Variants in NXPE2 observed in about 807,000 individuals in gnomAD.
NXPE2 encodes NXPE family member 2.
Under a neutral mutation model 34.4 loss-of-function variants are expected in NXPE2, and 34 were observed. That is an observed-to-expected ratio of 0.99 (90% CI 0.75 to 1.31). The LOEUF (loss-of-function observed/expected upper bound fraction) is 1.31. NXPE2 is among the 40% of genes most tolerant of loss of function. The probability of loss-of-function intolerance (pLI) is 0.00; values close to 1 mark genes in which losing one functional copy is unlikely to be tolerated. For missense variants in NXPE2, 649 were observed against 672.5 expected (o/e 0.97, Z 0.39); for synonymous variants, 235 against 231.3 (o/e 1.02, Z -0.15).
At chr11:114,632,120 TTATAA>T in the NXPE2 span, among the ~76,000 whole-genome samples, 2 of 144,140 alleles carry the variant, frequency 1.4e-5, no homozygotes, top group African/African-American at 5.0e-5. Context: ...AAATTATATA[TTATAA>T]TAAAATATAT....
At chr11:114,491,976 AGG>A in the NXPE2 span, among the ~76,000 whole-genome samples, 1 of 152,134 alleles carries the variant, frequency 6.6e-6, no homozygotes, top group East Asian at 1.9e-4. Context: ...ACATGGACAC[AGG>A]AAGGGGAACA....
the NXPE2 span, among the ~76,000 whole-genome samples, chr11:114,613,371 C>T: frequency 3.3e-5 from 5 of 151,470 alleles, no homozygotes; most frequent in Admixed American, 1.3e-4. Context: ...CACGGTTACC[C>T]TGTGGAAAAT....
At chr11:114,530,716 C>T in the NXPE2 span, 1 of 1,614,152 alleles carries the variant, frequency 6.2e-7, no homozygotes, top group South Asian at 1.1e-5. Flanking sequence ...CTGTGTGTGG[C>T]ACTGGTGGTG....
chr11:114,663,764 A>G, the NXPE2 span, among the ~76,000 whole-genome samples: 1 of 152,062 alleles, frequency 6.6e-6, no homozygotes, highest in African/African-American at 2.4e-5. Context: ...AAGCAACCCA[A>G]GTAAAAAATA....
chr11:114,676,271 T>A (rs991972481), upstream of NXPE2, among the ~76,000 whole-genome samples: 2 of 151,668 alleles, frequency 1.3e-5, no homozygotes, highest in Admixed American at 6.6e-5. Context: ...ACATCAAACT[T>A]AAAAGCTTCT....
chr11:114,658,212 G>A, the NXPE2 span, among the ~76,000 whole-genome samples: 1 of 152,196 alleles, frequency 6.6e-6, no homozygotes, highest in Non-Finnish European at 1.5e-5. Flanking sequence ...GAAAGGCAGA[G>A]CAGAAAGAAC....
intron 2 of NXPE2, among the ~76,000 whole-genome samples, chr11:114,683,567 C>T (rs947634446): frequency 9.2e-5 from 14 of 152,048 alleles, no homozygotes; most frequent in East Asian, 5.8e-4. Flanking sequence ...ATTACAGGCG[C>T]GTGCCACCAG....
chr11:114,810,198 G>T, the NXPE2 span, among the ~76,000 whole-genome samples: 32 of 148,074 alleles, frequency 2.2e-4, no homozygotes, highest in Non-Finnish European at 4.6e-4. Flanking sequence ...ATTCAAGATG[G>T]ATTAAAGACT....
chr11:114,639,336 G>T, the NXPE2 span, among the ~76,000 whole-genome samples: 2 of 152,048 alleles, frequency 1.3e-5, no homozygotes, highest in Admixed American at 1.3e-4. Context: ...CAGTATTAGG[G>T]TGGGAGTGAC....
In NXPE2 at chr11:114,707,004, A is replaced by G; in HGVS notation, c.*74A>G. 1.6e-6 allele frequency: 2 copies of G among 1,212,378 alleles called. No homozygotes were observed. The highest frequency in any genetic ancestry group is 2.2e-6 in the Non-Finnish European group (2 of 893,290). 75.1% of individuals were successfully genotyped at this position (1,212,378 alleles called of 1,614,324 possible). On this transcript the variant is annotated 3_prime_UTR_variant, in exon 6 of 6. Transcript: ENST00000389586. ...ATATACAGCGAAGATAGTTTAATGC[A>G]ATCCAAGTTTTGAGGAAACTAAATT...
chr11:114,522,072 T>G, the NXPE2 span: 1 of 1,614,084 alleles, frequency 6.2e-7, no homozygotes, highest in Non-Finnish European at 8.5e-7. Context: ...CAGGCATCAA[T>G]GATGCCCACG....
the NXPE2 span, chr11:114,580,023 G>T: frequency 3.1e-6 from 3 of 960,142 alleles, no homozygotes; most frequent in Non-Finnish European, 4.9e-6. Context: ...GGTGTGTTGT[G>T]ATTGAAGAAT....
chr11:114,540,600 G>C, the NXPE2 span, among the ~76,000 whole-genome samples: 1 of 152,020 alleles, frequency 6.6e-6, no homozygotes. Context: ...AAAGAGTTCT[G>C]TTTCAATATG....
At chr11:114,528,518 G>A in the NXPE2 span, among the ~76,000 whole-genome samples, 1 of 152,166 alleles carries the variant, frequency 6.6e-6, no homozygotes, top group African/African-American at 2.4e-5. Flanking sequence ...AAGATCATAA[G>A]CTTTATGAAG....
the NXPE2 span, among the ~76,000 whole-genome samples, chr11:114,729,690 A>T: frequency 2.6e-5 from 4 of 152,080 alleles, no homozygotes; most frequent in African/African-American, 9.7e-5. Flanking sequence ...TTCGTTGGCC[A>T]TGTGTATGTC....
At chr11:114,750,031 C>T in the NXPE2 span, among the ~76,000 whole-genome samples, 2 of 152,128 alleles carry the variant, frequency 1.3e-5, no homozygotes, top group African/African-American at 2.4e-5. Flanking sequence ...TTCTTCTCAC[C>T]CACCCAGGCT....
intron 2 of NXPE2, among the ~76,000 whole-genome samples, chr11:114,696,356 A>AG (rs1555078628): frequency 6.3e-5 from 9 of 143,138 alleles, no homozygotes; most frequent in South Asian, 2.3e-4. Flanking sequence ...AAAAAAAAAA[A>AG]AAAGAAAGAA....
At chr11:114,808,281 G>T in the NXPE2 span, among the ~76,000 whole-genome samples, 48 of 152,100 alleles carry the variant, frequency 3.2e-4, no homozygotes, top group Non-Finnish European at 5.7e-4. Flanking sequence ...ACAATTAAAA[G>T]AATTAGAAAA....
At chr11:114,784,234 G>T in the NXPE2 span, among the ~76,000 whole-genome samples, 1 of 152,220 alleles carries the variant, frequency 6.6e-6, no homozygotes. Flanking sequence ...TCTATGAGAA[G>T]GAGACCTTCC....
Sources: gnomAD v4.1 joint callset for allele counts (sites outside exome capture counted in the v4.1 genomes callset) on GRCh38, gnomAD v4.1.1 for gene constraint, MANE v1.5 for transcripts, NCBI Gene and HGNC (gene_info 2026-07-23, HGNC 2026-07-21) for gene names.